The following RAB3GAP1 variants were observed in gnomAD, a reference collection of about 807,000 sequenced individuals.
The protein encoded by RAB3GAP1 is rab3 GTPase-activating protein catalytic subunit.
Under a neutral mutation model 130.7 loss-of-function variants are expected in RAB3GAP1, and 86 were observed. The ratio of observed to expected loss-of-function variants is 0.66; its 90% CI spans 0.55 to 0.79. The LOEUF is 0.79. RAB3GAP1 is among the 30% of genes least tolerant of loss of function. RAB3GAP1 has a pLI of 0.00. For missense variants in RAB3GAP1, 1,029 were observed against 1,169.4 expected, an observed-to-expected ratio of 0.88 and a Z score of 1.75; for synonymous variants, 367 against 401.7, an observed-to-expected ratio of 0.91 and a Z score of 1.03.
intron 5 of RAB3GAP1, among the ~76,000 whole-genome samples, chr2:135,111,705 AAACTT>A (rs1380582076): frequency 2.0e-5 from 3 of 152,216 alleles, no homozygotes; most frequent in Non-Finnish European, 2.9e-5. Context: ...TTTATCTTGT[AAACTT>A]AACTTTAAAG....
intron 13 of RAB3GAP1, among the ~76,000 whole-genome samples, chr2:135,132,053 A>G (rs191238511): frequency 9.2e-5 from 14 of 152,358 alleles, no homozygotes; most frequent in African/African-American, 3.4e-4. Context: ...TTGTATGAGA[A>G]TAGGATAATG....
At chr2:135,110,140 C>G (rs1037416089) in intron 5 of RAB3GAP1, among the ~76,000 whole-genome samples, 5 of 143,782 alleles carry the variant, frequency 3.5e-5, no homozygotes, top group Admixed American at 2.8e-4. Flanking sequence ...GAGGTAAATC[C>G]TTTTTTTTTT....
rs1213586884 is a variant in RAB3GAP1 at position 135,057,936 on chromosome 2, C to A, written c.75-75C>A. Reference sequence around the variant, plus strand: ...CAAATTGTTAAAATATAAAAAATACCTTTTTAAAGAAATTACATAATAATA... The same window carrying A: ...CAAATTGTTAAAATATAAAAAATACATTTTTAAAGAAATTACATAATAATA... On this transcript the variant is annotated intron_variant, in intron 2 of 23. Coordinates refer to ENST00000264158, the MANE Select transcript of RAB3GAP1 (RefSeq NM_012233.3). 3.7e-6 allele frequency: 4 copies of A among 1,087,524 alleles called. No homozygotes were observed. In the African/African-American group the frequency reaches 4.7e-5, roughly 13 times the overall value. The allele number at this position is 1,087,524 out of a possible 1,614,324, so 67.4% of individuals were successfully genotyped here.
At chr2:135,164,763 T>C in intron 23 of RAB3GAP1, 67 bp downstream of exon 23, 1 of 1,283,778 alleles carries the variant, frequency 7.8e-7, no homozygotes, top group Non-Finnish European at 1.1e-6. Context: ...GAGGCTGTTT[T>C]AGTTCCCACA....
intron 5 of RAB3GAP1, among the ~76,000 whole-genome samples, chr2:135,105,170 G>A (rs1176835777): frequency 6.7e-6 from 1 of 149,462 alleles, no homozygotes; most frequent in East Asian, 2.0e-4. Context: ...AAAAACAAAT[G>A]TGAGCTCTCC....
At chr2:135,086,883 G>A (rs1356890623) in intron 3 of RAB3GAP1, among the ~76,000 whole-genome samples, 1 of 151,748 alleles carries the variant, frequency 6.6e-6, no homozygotes, top group Non-Finnish European at 1.5e-5. Context: ...AGCTGGTCTC[G>A]AACTTCTGAC....
At chr2:135,155,183 C>T (rs767369657) in intron 19 of RAB3GAP1, among the ~76,000 whole-genome samples, 8 of 151,852 alleles carry the variant, frequency 5.3e-5, no homozygotes, top group Non-Finnish European at 1.2e-4. Flanking sequence ...CAAAAAACCC[C>T]ACAAAGAAAT....
intron 17 of RAB3GAP1, among the ~76,000 whole-genome samples, chr2:135,138,311 G>A (rs969101746): frequency 2.0e-5 from 3 of 151,272 alleles, no homozygotes; most frequent in Middle Eastern, 3.2e-3. Flanking sequence ...TTAGCCGACT[G>A]GGGTAGCGTA....
At chr2:135,151,848 T>G (rs1436684796) in intron 18 of RAB3GAP1, among the ~76,000 whole-genome samples, 1 of 152,230 alleles carries the variant, frequency 6.6e-6, no homozygotes, top group African/African-American at 2.4e-5. Flanking sequence ...CTGCAGTGTC[T>G]TTGCAGAGGC....
At chr2:135,086,335 G>A (rs749323575) in intron 3 of RAB3GAP1, among the ~76,000 whole-genome samples, 7 of 152,016 alleles carry the variant, frequency 4.6e-5, no homozygotes, top group Non-Finnish European at 7.4e-5. Context: ...GCTCTTAGCC[G>A]TGCATGAGAT....
chr2:135,174,321 G>C (rs1692944674), downstream of RAB3GAP1, among the ~76,000 whole-genome samples: 1 of 152,128 alleles, frequency 6.6e-6, no homozygotes, highest in African/African-American at 2.4e-5. Flanking sequence ...CAAGCCCCAT[G>C]ACAGGAGCGC....
chr2:135,086,364 C>G (rs1473544116), intron 3 of RAB3GAP1, among the ~76,000 whole-genome samples: 2 of 152,072 alleles, frequency 1.3e-5, no homozygotes, highest in African/African-American at 2.4e-5. Flanking sequence ...CCTCTGTGTT[C>G]TCTGTGACAC....
At chr2:135,112,615 T>G (rs527426234) in intron 5 of RAB3GAP1, among the ~76,000 whole-genome samples, 1 of 152,156 alleles carries the variant, frequency 6.6e-6, no homozygotes, top group Non-Finnish European at 1.5e-5. Flanking sequence ...GCTGCAGGGC[T>G]CTTGGCAGCG....
chr2:135,129,081 G>C (rs553197302), intron 11 of RAB3GAP1, among the ~76,000 whole-genome samples: 1 of 152,314 alleles, frequency 6.6e-6, no homozygotes, highest in East Asian at 1.9e-4. Flanking sequence ...GAGCCTAGGA[G>C]GTCAAGGCTG....
Position 135,126,237 on chromosome 2 carries a change from A to G in RAB3GAP1, c.887A>G (p.Asn296Ser). 6.2e-7 allele frequency: 1 copy of G among 1,612,216 alleles called. No homozygotes were observed. The highest frequency in any genetic ancestry group is 8.5e-7 in the Non-Finnish European group (1 of 1,178,482). Residue 296 changes from asparagine (N) to serine (S), a missense_variant, in exon 10 of 24, where the codon AAT (asparagine) becomes AGT (serine). Around this residue, in one of 3 missense-constraint regions of RAB3GAP1, gnomAD observed 510 missense variants for 532.1 expected, o/e 0.96. Coordinates refer to ENST00000264158, the MANE Select transcript of RAB3GAP1 (RefSeq NM_012233.3). Reference protein sequence around the residue: ...PHLTEGIIVDNDVYSDLDPIQ... With the variant: ...PHLTEGIIVDSDVYSDLDPIQ... The stretch of plus-strand genomic sequence containing the variant: ...CTGACCGAAGGGATCATTGTGGATA[A>G]TGATGTTTATTCGTAAGTATGTTAA...
chr2:135,135,136 C>A, intron 15 of RAB3GAP1, 129 bp from the exon 16 acceptor site: 1 of 763,018 alleles, frequency 1.3e-6, no homozygotes, highest in Non-Finnish European at 2.3e-6. Context: ...ATTCACTTAC[C>A]TTACCTGTGG....
intron 17 of RAB3GAP1, among the ~76,000 whole-genome samples, chr2:135,148,831 A>AGTCAGC (rs1692082709): frequency 6.6e-6 from 1 of 151,918 alleles, no homozygotes; most frequent in Non-Finnish European, 1.5e-5. Context: ...TAATTCTTAA[A>AGTCAGC]GTCAGCATTA....
chr2:135,113,262 CACTG>C lies in RAB3GAP1; in HGVS notation c.475_478del (p.Thr159AlafsTer19), dbSNP rs886043202. On this transcript the variant is annotated frameshift_variant, in exon 6 of 24. Coordinates refer to ENST00000264158, the MANE Select transcript of RAB3GAP1 (RefSeq NM_012233.3). LOFTEE classifies it high-confidence loss of function. ...GTTCTGTTTCTATTGCCTTGGGAAA[CACTG>C]GCTGGTGAGTGGACATTTTTTAAAA... is the stretch of plus-strand genomic sequence containing the variant. 1.2e-6 allele frequency: 2 copies of C among 1,614,026 alleles called. No individual in the cohort carries two copies. Among genetic ancestry groups the C allele is most frequent in the African/African-American group, 1.3e-5 (1 of 74,922 alleles).
chr2:135,079,530 T>G (rs1292359308), intron 3 of RAB3GAP1, among the ~76,000 whole-genome samples: 1 of 152,174 alleles, frequency 6.6e-6, no homozygotes, highest in Non-Finnish European at 1.5e-5. Flanking sequence ...TCCACCTTTT[T>G]TCTCTACTCC....
Sources: allele counts gnomAD v4.1 joint callset (sites outside exome capture counted in the v4.1 genomes callset), GRCh38; gene constraint gnomAD v4.1.1; regional missense constraint gnomAD v4.1.1; transcripts MANE v1.5; gene names NCBI Gene and HGNC (gene_info 2026-07-23, HGNC 2026-07-21).